The following KCNT2 variants were observed in gnomAD, a reference collection of about 807,000 sequenced individuals.
The protein encoded by KCNT2 is potassium channel subfamily T member 2.
A neutral mutation model predicts 153.8 loss-of-function variants in KCNT2; 67 were observed. The observed-to-expected ratio is 0.44, with a 90% CI of 0.36 to 0.53. The LOEUF is 0.53. KCNT2 is among the 20% of genes least tolerant of loss of function. KCNT2 has a pLI of 0.00. For missense variants in KCNT2, 975 were observed against 1,354.8 expected (o/e 0.72, Z 4.40); for synonymous variants, 500 against 458.8 (o/e 1.09, Z -1.15).
intron 14 of KCNT2, among the ~76,000 whole-genome samples, chr1:196,366,663 T>A (rs960915213): frequency 3.9e-5 from 6 of 152,190 alleles, no homozygotes; most frequent in African/African-American, 1.4e-4. Flanking sequence ...TACATCCTTG[T>A]GCTCTTCATT....
At chr1:196,519,092 C>G (rs1652999335) in intron 1 of KCNT2, among the ~76,000 whole-genome samples, 1 of 152,108 alleles carries the variant, frequency 6.6e-6, no homozygotes, top group African/African-American at 2.4e-5. Flanking sequence ...ACCAAACACA[C>G]TCTCAGAACA....
chr1:196,596,745 G>T (rs954823938), intron 1 of KCNT2, among the ~76,000 whole-genome samples: 1 of 151,940 alleles, frequency 6.6e-6, no homozygotes, highest in Admixed American at 6.6e-5. Context: ...ACAGGGTCTC[G>T]TGCTGGCATG....
At position 196,608,407 on chromosome 1, in the gene KCNT2, G is replaced by A. The variant is rs1036087581; in HGVS notation, c.-98C>T. 2 of 937,370 alleles carry A rather than the reference G, an allele frequency of 2.1e-6. No homozygotes were observed. The highest frequency in any genetic ancestry group is 1.6e-5 in the African/African-American group (1 of 62,168). The allele number at this position is 937,370 out of a possible 1,614,324, so 58.1% of individuals were successfully genotyped here. A position where few individuals can be genotyped will look rare whatever the true frequency, so the allele number is the denominator to read the frequency against. On this transcript the variant is annotated 5_prime_UTR_variant, in exon 1 of 28. Coordinates refer to ENST00000294725, the MANE Select transcript of KCNT2 (RefSeq NM_198503.5). ...AGTACAGGGAGAGGACTAACAAGAC[G>A]CTGTGGCCGAGAGAGGGATGGGAGA...
At position 196,345,039 on chromosome 1, in the gene KCNT2, C is replaced by A. The variant is rs192710366; in HGVS notation, c.1404-2811G>T. Among the ~76,000 whole-genome samples the A allele has an allele frequency of 4.1e-3, 621 of 152,090 alleles. 2 individuals are homozygous for A. Among genetic ancestry groups the A allele is most frequent in the Non-Finnish European group, 7.1e-3 (481 of 67,990 alleles). On this transcript the variant is annotated intron_variant, in intron 14 of 27. Transcript: ENST00000294725. ...CTAATGCTGATGTGTATATCCAGTC[C>A]CCACTCATTAGCTAATACACAAAAT...
intron 18 of KCNT2, among the ~76,000 whole-genome samples, chr1:196,328,761 C>T (rs1664145055): frequency 6.6e-6 from 1 of 151,968 alleles, no homozygotes; most frequent in Non-Finnish European, 1.5e-5. Flanking sequence ...ATAGAATCTC[C>T]TTAACAGAAT....
At chr1:196,267,870 C>T (rs975654904) in intron 25 of KCNT2, among the ~76,000 whole-genome samples, 1 of 152,156 alleles carries the variant, frequency 6.6e-6, no homozygotes, top group African/African-American at 2.4e-5. Flanking sequence ...AAAGTTTCCC[C>T]TATCCTCAGC....
chr1:196,293,874 C>CA (rs1299043137), intron 22 of KCNT2, among the ~76,000 whole-genome samples: 329 of 137,654 alleles, frequency 2.4e-3, no homozygotes, highest in Non-Finnish European at 4.2e-3. Flanking sequence ...AAAAAAAAAA[C>CA]AAAAAAACAA....
At chr1:196,389,465 T>C (rs1670283422) in intron 13 of KCNT2, among the ~76,000 whole-genome samples, 1 of 151,730 alleles carries the variant, frequency 6.6e-6, no homozygotes, top group Non-Finnish European at 1.5e-5. Context: ...ATATGTCTAG[T>C]CATTTCAATT....
intron 1 of KCNT2, among the ~76,000 whole-genome samples, chr1:196,538,394 C>T (rs547565314): frequency 2.0e-5 from 3 of 152,138 alleles, no homozygotes; most frequent in South Asian, 2.1e-4. Context: ...TAAGGGGAGT[C>T]GGTGAAGTGG....
chr1:196,433,450 G>T (rs984679799), intron 8 of KCNT2, among the ~76,000 whole-genome samples: 3 of 152,072 alleles, frequency 2.0e-5, no homozygotes, highest in African/African-American at 7.2e-5. Context: ...GTGGTTGCCT[G>T]GGACTGATGA....
At chr1:196,575,894 C>T (rs1246785201) in intron 1 of KCNT2, among the ~76,000 whole-genome samples, 1 of 149,496 alleles carries the variant, frequency 6.7e-6, no homozygotes, top group African/African-American at 2.5e-5. Context: ...ACAAGAATTG[C>T]TTTAACCTGG....
At chr1:196,240,527 A>G (rs1397380345) in intron 26 of KCNT2, among the ~76,000 whole-genome samples, 1 of 152,102 alleles carries the variant, frequency 6.6e-6, no homozygotes. Context: ...AAGTTATAAA[A>G]AACAATTATA....
intron 8 of KCNT2, among the ~76,000 whole-genome samples, chr1:196,438,147 G>A (rs749219130): frequency 6.6e-6 from 1 of 151,744 alleles, no homozygotes; most frequent in Non-Finnish European, 1.5e-5. Flanking sequence ...AAGGTTCAGT[G>A]AATTCAGTAG....
intron 14 of KCNT2, among the ~76,000 whole-genome samples, chr1:196,344,721 A>G (rs1158552215): frequency 6.6e-6 from 1 of 152,190 alleles, no homozygotes; most frequent in Non-Finnish European, 1.5e-5. Context: ...GGGGAACACA[A>G]TGTGGTAACT....
chr1:196,381,680 C>T (rs996743348), intron 13 of KCNT2, among the ~76,000 whole-genome samples: 9 of 152,114 alleles, frequency 5.9e-5, no homozygotes, highest in African/African-American at 1.9e-4. Context: ...AGCAGTGTTT[C>T]CCTCTGTAGA....
At chr1:196,300,387 T>C (rs1338173433) in intron 22 of KCNT2, among the ~76,000 whole-genome samples, 2 of 152,212 alleles carry the variant, frequency 1.3e-5, no homozygotes, top group African/African-American at 4.8e-5. Context: ...ATATGTCAGC[T>C]TGACATGTGA....
chr1:196,448,139 G>A (rs1410609121), intron 8 of KCNT2, among the ~76,000 whole-genome samples: 2 of 151,668 alleles, frequency 1.3e-5, no homozygotes, highest in East Asian at 3.9e-4. Context: ...AGAAGGCAGA[G>A]CATGGTCAGA....
rs1336949310 is a variant in KCNT2, at chr1:196,578,764, A to AC, written c.95+29450dup. Among the ~76,000 whole-genome samples the AC allele has an allele frequency of 2.6e-5, 4 of 152,004 alleles. No homozygotes were observed. In the South Asian group the frequency reaches 6.2e-4, roughly 24 times the overall value. Reference sequence around the variant, plus strand: ...GGGAGTAACAAGGAAATAATCAGCTACCCCCCATGTCACCCACAGTAAAAT... The same window carrying AC: ...GGGAGTAACAAGGAAATAATCAGCTACCCCCCCATGTCACCCACAGTAAAAT... On this transcript the variant is annotated intron_variant, in intron 1 of 27. Transcript: ENST00000294725.
At chr1:196,571,958 G>C (rs529332125) in intron 1 of KCNT2, among the ~76,000 whole-genome samples, 1 of 152,108 alleles carries the variant, frequency 6.6e-6, no homozygotes, top group East Asian at 1.9e-4. Context: ...GCTTAAAGGA[G>C]GTTTTAAAAG....
Sources: gnomAD v4.1 joint callset for allele counts (sites outside exome capture counted in the v4.1 genomes callset) on GRCh38, gnomAD v4.1.1 for gene constraint, MANE v1.5 for transcripts, NCBI Gene and HGNC (gene_info 2026-07-23, HGNC 2026-07-21) for gene names.